Variants in TTC6 observed in about 807,000 individuals in gnomAD.
TTC6 encodes the protein tetratricopeptide repeat protein 6.
In TTC6, 172 loss-of-function variants were observed where a neutral mutation model predicts 210.4. The observed-to-expected ratio is 0.82, with a 90% confidence interval of 0.72 to 0.93. The LOEUF (loss-of-function observed/expected upper bound fraction) is 0.93, where lower values mean the gene tolerates loss of function less well. Among genes scored for constraint, TTC6 ranks in the 40% least tolerant of loss-of-function variants. The pLI is 0.00. For missense variants in TTC6, 2,414 were observed against 2,318.1 expected (o/e 1.04, Z -0.85); for synonymous variants, 804 against 819.6 (o/e 0.98, Z 0.32).
chr14:37,806,126 C>A (rs936225063), intron 21 of TTC6, among the ~76,000 whole-genome samples: 2 of 152,136 alleles, frequency 1.3e-5, no homozygotes, highest in African/African-American at 4.8e-5. Flanking sequence ...ATATTGTAAT[C>A]TAACAATATG....
intron 20 of TTC6, among the ~76,000 whole-genome samples, chr14:37,803,699 G>C (rs1350646143): frequency 6.6e-6 from 1 of 152,086 alleles, no homozygotes; most frequent in Non-Finnish European, 1.5e-5. Context: ...GAATGAGAAA[G>C]AAAGCAATTC....
intron 14 of TTC6, among the ~76,000 whole-genome samples, chr14:37,764,830 A>G (rs1372528949): frequency 6.6e-6 from 1 of 151,870 alleles, no homozygotes; most frequent in Non-Finnish European, 1.5e-5. Flanking sequence ...TTTCATATGT[A>G]TATTTTATAT....
intron 14 of TTC6, among the ~76,000 whole-genome samples, chr14:37,779,626 A>G (rs1221037756): frequency 6.6e-6 from 1 of 152,164 alleles, no homozygotes; most frequent in Non-Finnish European, 1.5e-5. Flanking sequence ...AAAGTTTGGA[A>G]TAACTTGCCT....
At position 37,753,085 on chromosome 14, in the gene TTC6, C is replaced by T. The variant is rs1206637456; in HGVS notation, c.3130-14C>T. On this transcript the variant is annotated splice_polypyrimidine_tract_variant and intron_variant, in intron 13 of 30. Transcript: ENST00000553443. ...CATTTTGTGATGTTTATGTACCTCC[C>T]GCTGTCCCTATAGTGTATTTTTTAT... The T allele has an allele frequency of 2.6e-6, 4 of 1,520,324 alleles. No individual in the cohort carries two copies. The highest frequency in any genetic ancestry group is 2.6e-6 in the Non-Finnish European group (3 of 1,136,128). 94.2% of individuals were successfully genotyped at this position (1,520,324 alleles called of 1,614,324 possible).
chr14:37,696,401 A>G lies in TTC6; in HGVS notation c.1258-316A>G, dbSNP rs543691094. Reference sequence around the variant, plus strand: ...CAGTCATGCCAAACTTTAAGGAAATAAGGGCAAGTTTTATTACAAATACCA... The same window carrying G: ...CAGTCATGCCAAACTTTAAGGAAATGAGGGCAAGTTTTATTACAAATACCA... On this transcript the variant is annotated intron_variant, in intron 3 of 30. Coordinates refer to ENST00000553443, the Ensembl canonical transcript of TTC6. 2.1e-3 allele frequency among the ~76,000 whole-genome samples: 319 copies of G among 152,252 alleles called. 1 individual carries two copies. Among genetic ancestry groups the G allele is most frequent in the Admixed American group, 5.2e-3 (79 of 15,284 alleles).
intron 10 of TTC6, among the ~76,000 whole-genome samples, chr14:37,744,725 CTT>C (rs2095930775): frequency 6.6e-6 from 1 of 152,060 alleles, no homozygotes; most frequent in African/African-American, 2.4e-5. Context: ...ATGGTAAAGA[CTT>C]TGGATTCTTA....
At chr14:37,696,808 C>G in exon 4 of TTC6, 1 of 1,400,864 alleles carries the variant, frequency 7.1e-7, no homozygotes, top group Non-Finnish European at 9.3e-7. Context: ...TCTTCAAAAC[C>G]TCTTTGTGAT....
intron 25 of TTC6, among the ~76,000 whole-genome samples, chr14:37,813,921 G>A (rs531198307): frequency 6.6e-6 from 1 of 152,216 alleles, no homozygotes; most frequent in South Asian, 2.1e-4. Flanking sequence ...TAAGTACTGG[G>A]GCAAGAGCAG....
chr14:37,610,737 G>T (rs1233483171), intron 2 of TTC6, among the ~76,000 whole-genome samples: 1 of 152,038 alleles, frequency 6.6e-6, no homozygotes, highest in Non-Finnish European at 1.5e-5. Flanking sequence ...GGACTTTTAT[G>T]GTTATCACTT....
chr14:37,737,489 G>C (rs1213000353), intron 8 of TTC6, among the ~76,000 whole-genome samples, 171 bp from the exon 11 acceptor site: 11 of 151,724 alleles, frequency 7.3e-5, no homozygotes. Flanking sequence ...TAGATTTTAA[G>C]TTCTCTTCCT....
At chr14:37,822,674 A>G (rs1179698257) in intron 26 of TTC6, among the ~76,000 whole-genome samples, 1 of 152,208 alleles carries the variant, frequency 6.6e-6, no homozygotes, top group African/African-American at 2.4e-5. Context: ...TTGTTGAGAT[A>G]CCAGCTCACT....
intron 29 of TTC6, chr14:37,827,960 A>G (rs1235204022): frequency 1.3e-5 from 2 of 152,148 alleles, no homozygotes; most frequent in East Asian, 1.9e-4. Flanking sequence ...TGTGATATCT[A>G]TTGTCACTAA....
chr14:37,802,759 A>C (rs1316095111), intron 20 of TTC6, among the ~76,000 whole-genome samples: 1 of 145,178 alleles, frequency 6.9e-6, no homozygotes, highest in South Asian at 2.1e-4. Context: ...TTTGAGATGG[A>C]GTCTTGCTCA....
intron 30 of TTC6, 82 bp from the exon 33 acceptor site, chr14:37,842,070 GTTC>G: frequency 7.9e-7 from 1 of 1,270,318 alleles, no homozygotes; most frequent in Non-Finnish European, 1.0e-6. Context: ...TTTTTTAAAA[GTTC>G]TTATCCAATT....
exon 1 of TTC6, chr14:37,622,204 A>G (rs2095652167): frequency 1.3e-6 from 2 of 1,535,502 alleles, no homozygotes; most frequent in South Asian, 2.4e-5. Context: ...CCGGCTGTAG[A>G]TGAAAGCCCA....
At chr14:37,644,160 T>C (rs760029447) in intron 1 of TTC6, among the ~76,000 whole-genome samples, 4 of 152,160 alleles carry the variant, frequency 2.6e-5, no homozygotes, top group Non-Finnish European at 5.9e-5. Context: ...TTAATAGAAC[T>C]AGTTCAGAGT....
At chr14:37,799,634 G>A (rs979213753) in intron 20 of TTC6, among the ~76,000 whole-genome samples, 2 of 152,240 alleles carry the variant, frequency 1.3e-5, no homozygotes, top group East Asian at 1.9e-4. Flanking sequence ...CCTTAAAAAA[G>A]CAAAGAATTA....
At chr14:37,766,321 G>A (rs1225912221) in intron 14 of TTC6, among the ~76,000 whole-genome samples, 2 of 152,126 alleles carry the variant, frequency 1.3e-5, no homozygotes, top group African/African-American at 4.8e-5. Flanking sequence ...AAGGTGATAA[G>A]CACAGTAACC....
rs1256064432 is a variant in TTC6 at position 37,715,797 on chromosome 14, AC to A, written c.1713+1002del. On this transcript the variant is annotated intron_variant, in intron 6 of 30. Transcript: ENST00000553443. ...TCAAGACATTCTCAGATAGAAGGAA[AC>A]GAAGAGAATTTGTTGCCAGCATACC... 2.6e-5 allele frequency among the ~76,000 whole-genome samples: 4 copies of A among 152,210 alleles called. 1 individual carries two copies. In the South Asian group the frequency reaches 8.3e-4, roughly 31 times the overall value.
Sources: allele counts gnomAD v4.1 joint callset (sites outside exome capture counted in the v4.1 genomes callset), GRCh38; gene constraint gnomAD v4.1.1; transcripts MANE v1.5; gene names NCBI Gene and HGNC (gene_info 2026-07-23, HGNC 2026-07-21).